TAB1: variants seen among roughly 807,000 people sequenced by gnomAD.
TAB1 encodes the protein TGF-beta activated kinase 1 (MAP3K7) binding protein 1.
A neutral mutation model predicts 54.5 loss-of-function variants in TAB1; 30 were observed. The observed-to-expected ratio is 0.55, with a 90% CI of 0.41 to 0.75. TAB1 has a LOEUF of 0.75. Among genes scored for constraint, TAB1 ranks in the 30% least tolerant of loss-of-function variants. The pLI is 0.00. For synonymous variants in TAB1, 289 were observed against 286.9 expected, an observed-to-expected ratio of 1.01 and a Z score of -0.07; for missense variants, 609 against 683.2, an observed-to-expected ratio of 0.89 and a Z score of 1.21.
intron 5 of TAB1, 97 bp from the exon 6 acceptor site, chr22:39,418,635 A>T: frequency 1.4e-5 from 12 of 886,770 alleles, no homozygotes. Flanking sequence ...AGGTATTTCC[A>T]TGTGTGAAAT....
rs35506409 is a variant in TAB1, at chr22:39,416,202, C to G, written c.324+549C>G. On this transcript the variant is annotated intron_variant, in intron 3 of 10. Transcript: ENST00000216160. ...TGTTCCCGGAGAGGGGTGGTGCCAG[C>G]CTTTTCCTGCCCTTCACGACCTCAG... Among the ~76,000 whole-genome samples, 672 of 152,294 alleles carry G rather than the reference C, an allele frequency of 4.4e-3. 3 individuals carry two copies. The highest frequency in any genetic ancestry group is 0.016 in the African/African-American group (655 of 41,558).
rs949842435 is a variant in TAB1 at position 39,414,870 on chromosome 22, T to G, written c.34-136T>G. 3.0e-5 allele frequency: 27 copies of G among 906,320 alleles called. No individual in the cohort carries two copies. In the South Asian group the frequency reaches 3.5e-4, roughly 12 times the overall value. The allele number at this position is 906,320 out of a possible 1,614,324, so 56.1% of individuals were successfully genotyped here. On this transcript the variant is annotated intron_variant, in intron 1 of 10. Coordinates refer to ENST00000216160, the MANE Select transcript of TAB1 (RefSeq NM_006116.3). ...AGGTGTCTGTTCATACAAACATTAT[T>G]GTTTTCCAGAAGGAAGTGGAACCCT...
At chr22:39,402,234 C>G (rs1403819099) in intron 1 of TAB1, among the ~76,000 whole-genome samples, 1 of 152,106 alleles carries the variant, frequency 6.6e-6, no homozygotes, top group Non-Finnish European at 1.5e-5. Flanking sequence ...CCAGGCTGGT[C>G]TAGAATCCTG....
intron 1 of TAB1, among the ~76,000 whole-genome samples, chr22:39,410,021 A>G (rs1349780797): frequency 6.6e-6 from 1 of 152,204 alleles, no homozygotes; most frequent in Non-Finnish European, 1.5e-5. Context: ...CTAAGTTCCC[A>G]TTTATGTTAA....
chr22:39,402,908 G>A (rs891612377), intron 1 of TAB1, among the ~76,000 whole-genome samples: 1 of 152,186 alleles, frequency 6.6e-6, no homozygotes, highest in Non-Finnish European at 1.5e-5. Context: ...CCTTTCAGCC[G>A]GATAAAACAG....
chr22:39,418,741 G>A lies in TAB1; in HGVS notation c.560G>A (p.Arg187His), dbSNP rs140879164. The A allele has an allele frequency of 4.7e-4, 761 of 1,613,210 alleles. 7 individuals carry two copies. Among genetic ancestry groups the A allele is most frequent in the South Asian group, 3.6e-3 (329 of 91,062 alleles). Residue 187 changes from arginine to histidine, a missense_variant, in exon 6 of 11, where the codon CGT becomes CAT. Physicochemically the swap from Arg to His is conservative, Grantham distance 29. Transcript: ENST00000216160. ...TCACATTCTGCCACAGGTACAAACC[G>A]TGCACTTTTATGCAAATCGACAGTG... ...KLYVANVGTN[R>H]ALLCKSTVDG...
In TAB1 at chr22:39,416,906, G is replaced by A. The variant is rs546710697; in HGVS notation, c.411+29G>A. ...ATTTCCCCAGCCGACACCCAGGGGA[G>A]TCAAGTCCAGGCCCAGCTTTGCAAG... On this transcript the variant is annotated intron_variant, in intron 4 of 10. Coordinates refer to ENST00000216160, the MANE Select transcript of TAB1 (RefSeq NM_006116.3). The A allele has an allele frequency of 1.4e-4, 222 of 1,607,950 alleles. 3 individuals carry two copies. In the South Asian group the frequency reaches 2.3e-3, roughly 17 times the overall value.
downstream of TAB1, chr22:39,436,564 C>A: frequency 6.2e-7 from 1 of 1,613,704 alleles, no homozygotes; most frequent in Admixed American, 1.7e-5. Flanking sequence ...AGCCTGACCC[C>A]AGGGTAGGAA....
At position 39,418,713 on chromosome 22, in the gene TAB1, T is replaced by A; in HGVS notation, c.551-19T>A. 1 of 1,573,172 alleles carries A rather than the reference T, an allele frequency of 6.4e-7. No homozygotes were observed. The highest frequency in any genetic ancestry group is 8.8e-7 in the Non-Finnish European group (1 of 1,142,664). ...TCTCTGTGTGTAGTCTTTGCTTAGC[T>A]GTTCACATTCTGCCACAGGTACAAA... On this transcript the variant is annotated intron_variant, in intron 5 of 10. Transcript: ENST00000216160.
At chr22:39,416,932 G>A in intron 4 of TAB1, 55 bp downstream of exon 4, 3 of 1,545,392 alleles carry the variant, frequency 1.9e-6, no homozygotes, top group Non-Finnish European at 1.8e-6. Context: ...GCTTTGCAAG[G>A]AGCATGGACT....
chr22:39,415,587 A>G lies in TAB1; in HGVS notation c.258A>G (p.Ala86=). The G allele has an allele frequency of 6.2e-7, 1 of 1,614,088 alleles. No homozygotes were observed. Among genetic ancestry groups the G allele is most frequent in the Non-Finnish European group, 8.5e-7 (1 of 1,179,988 alleles). The part of the protein sequence containing the change: ...VTNFVAQRLS[A]ELLLGQLNAE... The stretch of plus-strand genomic sequence containing the variant: ...ACTTCGTGGCCCAGCGGCTGTCCGC[A>G]GAGCTCCTGCTGGGCCAGCTGAATG... Residue 86 remains alanine (A), a synonymous_variant, in exon 3 of 11, where the codon GCA becomes GCG. Transcript: ENST00000216160. The surrounding 1 kb of genome is among the most constrained non-coding windows in gnomAD (Gnocchi z 4.9).
rs765481553 is a variant in TAB1 at position 39,418,865 on chromosome 22, G to A, written c.664+20G>A. ...AGCTGGGTGAGTGGGGAGAGTGGGA[G>A]CGGAAGCTGATCCCCATGGGCTCAC... On this transcript the variant is annotated intron_variant, in intron 6 of 10. Coordinates refer to ENST00000216160, the MANE Select transcript of TAB1 (RefSeq NM_006116.3). 5.7e-6 allele frequency: 9 copies of A among 1,588,674 alleles called. No individual in the cohort carries two copies. The highest frequency in any genetic ancestry group is 1.1e-5 in the South Asian group (1 of 90,526).
At position 39,415,882 on chromosome 22, in the gene TAB1, G is replaced by A. The variant is rs1037375993; in HGVS notation, c.324+229G>A. On this transcript the variant is annotated intron_variant, in intron 3 of 10. Transcript: ENST00000216160. This position sits in a 1 kb window ranked among gnomAD's most constrained non-coding sequence, Gnocchi z 4.9. ...TGGCAGAGGAGGTACTGCTGGAGAC[G>A]GGGGGATTTAGGGATGGGAGCTTGG... is the stretch of plus-strand genomic sequence containing the variant. Among the ~76,000 whole-genome samples, 1 of 152,204 alleles carries A rather than the reference G, an allele frequency of 6.6e-6. No individual in the cohort carries two copies. Among genetic ancestry groups the A allele is most frequent in the African/African-American group, 2.4e-5 (1 of 41,448 alleles).
At chr22:39,417,562 A>G in intron 4 of TAB1, 149 bp from the exon 5 acceptor site, 2 of 688,172 alleles carry the variant, frequency 2.9e-6, no homozygotes, top group Non-Finnish European at 4.4e-6. Context: ...CGGAGCTTGT[A>G]GTGAGCCGAG....
chr22:39,407,515 ACT>A (rs1292424963), intron 1 of TAB1, among the ~76,000 whole-genome samples: 2 of 147,336 alleles, frequency 1.4e-5, no homozygotes, highest in African/African-American at 5.0e-5. Context: ...AGGGAGCCTC[ACT>A]CTGTCTCCCA....
chr22:39,409,296 T>C (rs1470046447), intron 1 of TAB1, among the ~76,000 whole-genome samples: 1 of 152,210 alleles, frequency 6.6e-6, no homozygotes, highest in Non-Finnish European at 1.5e-5. Context: ...TGGAAGTATA[T>C]TTGCCTGGTT....
chr22:39,402,976 C>G lies in TAB1; in HGVS notation c.33+3141C>G, dbSNP rs147506709. 2.6e-5 allele frequency among the ~76,000 whole-genome samples: 4 copies of G among 152,322 alleles called. No individual in the cohort carries two copies. The East Asian group carries it at 5.8e-4, about 22-fold the overall frequency. On this transcript the variant is annotated intron_variant, in intron 1 of 10. Coordinates refer to ENST00000216160, the MANE Select transcript of TAB1 (RefSeq NM_006116.3). ...TTTATGTCCCTGAGCCTTAGTTTCTCCAAACCAAGAGGACTCTGGGGAGTA... is the reference window on the plus strand; with the variant it reads ...TTTATGTCCCTGAGCCTTAGTTTCTGCAAACCAAGAGGACTCTGGGGAGTA...
intron 9 of TAB1, among the ~76,000 whole-genome samples, chr22:39,427,509 C>T (rs1442400195): frequency 6.6e-6 from 1 of 152,226 alleles, no homozygotes; most frequent in African/African-American, 2.4e-5. Context: ...CCGTGCTCCC[C>T]CCAGTGCTGC....
chr22:39,416,913 C>T, intron 4 of TAB1, 36 bp downstream of exon 4: 2 of 1,601,290 alleles, frequency 1.2e-6, no homozygotes, highest in South Asian at 2.2e-5. Context: ...GGAGTCAAGT[C>T]CAGGCCCAGC....
Sources: allele counts gnomAD v4.1 joint callset (sites outside exome capture counted in the v4.1 genomes callset), GRCh38; gene constraint gnomAD v4.1.1; non-coding constraint Gnocchi (gnomAD v3.1); transcripts MANE v1.5; gene names NCBI Gene and HGNC (gene_info 2026-07-23, HGNC 2026-07-21).